Variants in ENTPD7 observed in about 807,000 individuals in gnomAD.
The protein encoded by ENTPD7 is ectonucleoside triphosphate diphosphohydrolase 7.
A neutral mutation model predicts 77.9 loss-of-function variants in ENTPD7; 53 were observed. That is an observed-to-expected ratio of 0.68 (90% CI 0.55 to 0.85). The LOEUF is 0.85. Among genes scored for constraint, ENTPD7 ranks in the 40% least tolerant of loss-of-function variants. ENTPD7 has a pLI of 0.00. For synonymous variants in ENTPD7, 248 were observed against 274.9 expected, an observed-to-expected ratio of 0.90 and a Z score of 0.97; for missense variants, 636 against 743.7, an observed-to-expected ratio of 0.86 and a Z score of 1.68.
chr10:99,679,441 A>C lies in ENTPD7; in HGVS notation c.372A>C (p.Gln124His). Residue 124 changes from glutamine (Q) to histidine (H), a missense_variant, in exon 4 of 13, where the codon CAA becomes CAC. By Grantham distance (24) the Gln-to-His change is conservative. Transcript: ENST00000370489. ...DIKQMRDRNS[Q>H]PVVKKIKPGI... ...AACAGATGAGAGACCGCAACAGCCA[A>C]CCAGTGGTTAAAAAAATCAAGCCAG... is the stretch of plus-strand genomic sequence containing the variant. 6.2e-7 allele frequency: 1 copy of C among 1,613,336 alleles called. No homozygotes were observed. Among genetic ancestry groups the C allele is most frequent in the Non-Finnish European group, 8.5e-7 (1 of 1,179,790 alleles).
chr10:99,691,606 C>G, intron 8 of ENTPD7, 88 bp downstream of exon 8: 6 of 1,430,516 alleles, frequency 4.2e-6, no homozygotes, highest in Non-Finnish European at 5.7e-6. Flanking sequence ...ACCAACCTAC[C>G]TGGCTCTAAA....
intron 12 of ENTPD7, among the ~76,000 whole-genome samples, chr10:99,704,027 C>A (rs1000666162): frequency 6.6e-6 from 1 of 152,162 alleles, no homozygotes; most frequent in Non-Finnish European, 1.5e-5. Flanking sequence ...CACTTGGCTG[C>A]ATAGCAACTT....
chr10:99,661,677 G>C, intron 3 of ENTPD7, 49 bp downstream of exon 3: 1 of 1,513,238 alleles, frequency 6.6e-7, no homozygotes, highest in Non-Finnish European at 9.0e-7. Flanking sequence ...ATTTTCATAA[G>C]CTGTTTAACA....
At position 99,679,734 on chromosome 10, in the gene ENTPD7, C is replaced by T; in HGVS notation, c.407C>T (p.Ala136Val). ...TTTGTTTTAACTTAAGGAATCTCTG[C>T]AATGGCAGACACTCCAGAACATGCC... ...VVKKIKPGIS[A>V]MADTPEHASD... Residue 136 changes from alanine (A) to valine (V), a missense_variant, in exon 5 of 13, where the codon GCA becomes GTA. Around this residue, in one of 3 missense-constraint regions of ENTPD7, gnomAD observed 486 missense variants for 556.5 expected, o/e 0.87. Coordinates refer to ENST00000370489, the MANE Select transcript of ENTPD7 (RefSeq NM_020354.5). The T allele has an allele frequency of 6.2e-7, 1 of 1,607,102 alleles. No homozygotes were observed. The highest frequency in any genetic ancestry group is 8.5e-7 in the Non-Finnish European group (1 of 1,178,146).
At chr10:99,696,188 AC>A in intron 9 of ENTPD7, 66 bp downstream of exon 9, 2 of 1,562,006 alleles carry the variant, frequency 1.3e-6, no homozygotes, top group Non-Finnish European at 1.7e-6. Flanking sequence ...AGGGAGAAAT[AC>A]TCACATCCTC....
intron 3 of ENTPD7, 32 bp downstream of exon 3, chr10:99,661,660 CATAA>C (rs2035489501): frequency 6.4e-7 from 1 of 1,562,424 alleles, no homozygotes; most frequent in South Asian, 1.2e-5. Flanking sequence ...GCACTCAAGT[CATAA>C]ATATTTTCAT....
Position 99,696,076 on chromosome 10 carries a change from C to T in ENTPD7, c.964C>T (p.Gln322Ter). ...GGGTTTCGGAGGCAACTTTGCCCGG[C>T]AGCGCTACGAAGACCTTGTTCTGAA... ...FLGFGGNFAR[Q>*]RYEDLVLNET... Residue 322 changes from glutamine to a stop codon, truncating the protein, a stop_gained, in exon 9 of 13, where the codon CAG becomes TAG. Transcript: ENST00000370489. LOFTEE classifies it high-confidence loss of function. 1.9e-6 allele frequency: 3 copies of T among 1,614,196 alleles called. No individual in the cohort carries two copies. The South Asian group carries it at 3.3e-5, about 18-fold the overall frequency.
intron 3 of ENTPD7, among the ~76,000 whole-genome samples, chr10:99,677,358 GCTTT>G (rs1293608948): frequency 1.5e-5 from 2 of 134,672 alleles, no homozygotes; most frequent in Non-Finnish European, 3.2e-5. Context: ...AGGGCAGATA[GCTTT>G]TTTTTTTTTT....
chr10:99,710,191 C>CA lies in ENTPD7; in HGVS notation c.*5509dup. The CA allele has an allele frequency of 1.0e-6, 1 of 985,428 alleles. No individual in the cohort carries two copies. The highest frequency in any genetic ancestry group is 1.2e-6 in the Non-Finnish European group (1 of 829,928). The allele number at this position is 985,428 out of a possible 1,614,324, so 61.0% of individuals were successfully genotyped here. ...GTACTTTCCTAAGTGGCCCCTCCTA[C>CA]AGAGCACTTGCCGGCATTTGGCCTG... On this transcript the variant is annotated 3_prime_UTR_variant, in exon 13 of 13. Coordinates refer to ENST00000370489, the MANE Select transcript of ENTPD7 (RefSeq NM_020354.5).
intron 8 of ENTPD7, among the ~76,000 whole-genome samples, chr10:99,693,821 G>C (rs1326734515): frequency 6.6e-6 from 1 of 152,002 alleles, no homozygotes; most frequent in Non-Finnish European, 1.5e-5. Context: ...AGGAGGCTGA[G>C]GCAGGAGAAT....
intron 8 of ENTPD7, among the ~76,000 whole-genome samples, chr10:99,694,385 A>G (rs2300982): frequency 0.85 from 128,708 of 152,190 alleles, 54,631 homozygotes; most frequent in Middle Eastern, 0.92. Context: ...TTTAATGGCT[A>G]AACAGCATTC....
intron 2 of ENTPD7, chr10:99,660,269 A>ACTTT (rs2035462108): frequency 1.0e-6 from 1 of 981,582 alleles, no homozygotes; most frequent in Non-Finnish European, 1.2e-6. Flanking sequence ...AGGAGGTTAA[A>ACTTT]CAAAGAAGTT....
intron 3 of ENTPD7, among the ~76,000 whole-genome samples, chr10:99,664,697 C>T (rs1273725527): frequency 4.0e-5 from 6 of 151,896 alleles, no homozygotes; most frequent in South Asian, 2.1e-4. Context: ...GGTCTACCCA[C>T]GTTGGCCTCC....
intron 3 of ENTPD7, among the ~76,000 whole-genome samples, chr10:99,674,364 G>A (rs2035654681): frequency 6.6e-6 from 1 of 152,170 alleles, no homozygotes; most frequent in Non-Finnish European, 1.5e-5. Flanking sequence ...TAAGTGTACA[G>A]TCAGTAGTAT....
Position 99,711,194 on chromosome 10 carries a change from C to T in ENTPD7, c.*6511C>T. On this transcript the variant is annotated 3_prime_UTR_variant, in exon 13 of 13. Transcript: ENST00000370489. ...AACCAGTTGTTTTTCCAAATGTACT[C>T]ATCATCTGTAATAAAAGAAAAATGA... 1 of 985,268 alleles carries T rather than the reference C, an allele frequency of 1.0e-6. No individual in the cohort carries two copies. Among genetic ancestry groups the T allele is most frequent in the Non-Finnish European group, 1.2e-6 (1 of 829,828 alleles). 61.0% of individuals were successfully genotyped at this position (985,268 alleles called of 1,614,324 possible).
chr10:99,690,546 AT>A (rs34605992), intron 7 of ENTPD7, among the ~76,000 whole-genome samples: 2,522 of 141,844 alleles, frequency 0.018, 44 homozygotes, highest in African/African-American at 0.056. Context: ...ATGTTTCATA[AT>A]TTTTTTTTTT....
intron 3 of ENTPD7, among the ~76,000 whole-genome samples, chr10:99,664,692 A>C (rs1028154742): frequency 6.9e-6 from 1 of 145,786 alleles, no homozygotes; most frequent in Non-Finnish European, 1.5e-5. Flanking sequence ...CTTGTGGTCT[A>C]CCCACGTTGG....
At chr10:99,687,487 G>C (rs1422908507) in intron 6 of ENTPD7, among the ~76,000 whole-genome samples, 1 of 151,022 alleles carries the variant, frequency 6.6e-6, no homozygotes, top group Admixed American at 6.6e-5. Flanking sequence ...GGATGGTCTT[G>C]ATCTCCTGAC....
At chr10:99,687,833 A>G (rs1291931345) in intron 6 of ENTPD7, among the ~76,000 whole-genome samples, 1 of 152,142 alleles carries the variant, frequency 6.6e-6, no homozygotes, top group Non-Finnish European at 1.5e-5. Flanking sequence ...TCAGAATACC[A>G]GGGCTTTAAT....
Sources: allele counts gnomAD v4.1 joint callset (sites outside exome capture counted in the v4.1 genomes callset), GRCh38; gene constraint gnomAD v4.1.1; regional missense constraint gnomAD v4.1.1; transcripts MANE v1.5; gene names NCBI Gene and HGNC (gene_info 2026-07-23, HGNC 2026-07-21).